The following GSE1 variants were observed in gnomAD, a reference collection of about 807,000 sequenced individuals.
GSE1 encodes genetic suppressor element 1.
A neutral mutation model predicts 112.6 loss-of-function variants in GSE1; 32 were observed. That is an observed-to-expected ratio of 0.28 (90% confidence interval 0.21 to 0.38). The LOEUF (loss-of-function observed/expected upper bound fraction) is 0.38. GSE1 is among the 10% of genes least tolerant of loss of function. The pLI is 1.00. For synonymous variants in GSE1, 1,115 were observed against 735.6 expected, an observed-to-expected ratio of 1.52 and a Z score of -8.35; for missense variants, 2,348 against 1,699.2, an observed-to-expected ratio of 1.38 and a Z score of -6.71.
At chr16:85,499,664 C>A (rs1006867941) in intron 2 of GSE1, among the ~76,000 whole-genome samples, 3 of 152,152 alleles carry the variant, frequency 2.0e-5, no homozygotes, top group Non-Finnish European at 4.4e-5. Flanking sequence ...CAGAACTGTG[C>A]ACTTAGAAAT....
chr16:85,543,755 C>T (rs1567574020), intron 2 of GSE1, among the ~76,000 whole-genome samples: 1 of 152,194 alleles, frequency 6.6e-6, no homozygotes, highest in Admixed American at 6.5e-5. Flanking sequence ...TGTCACCCAG[C>T]GTGCTGGCTG....
chr16:85,548,192 G>GC (rs1312285909), intron 2 of GSE1, among the ~76,000 whole-genome samples: 1 of 136,808 alleles, frequency 7.3e-6, no homozygotes, highest in African/African-American at 2.8e-5. Context: ...TTGAGCCACA[G>GC]CACTCCAGCC....
intron 2 of GSE1, among the ~76,000 whole-genome samples, chr16:85,476,026 G>T (rs930426051): frequency 5.3e-5 from 8 of 152,156 alleles, no homozygotes; most frequent in African/African-American, 1.9e-4. Flanking sequence ...TGCCTCCCAG[G>T]CTAAGATGAT....
chr16:85,401,214 G>A (rs929225236), intron 2 of GSE1, among the ~76,000 whole-genome samples: 1 of 152,156 alleles, frequency 6.6e-6, no homozygotes, highest in African/African-American at 2.4e-5. Context: ...GTTATTCAGC[G>A]GCTCCTGATT....
intron 2 of GSE1, among the ~76,000 whole-genome samples, chr16:85,543,186 G>A (rs919674331): frequency 4.0e-5 from 6 of 150,966 alleles, no homozygotes; most frequent in Non-Finnish European, 2.9e-5. Flanking sequence ...ACTCCAGCCT[G>A]GGCGACAGAG....
intron 2 of GSE1, among the ~76,000 whole-genome samples, chr16:85,463,561 C>T (rs760962661): frequency 3.3e-5 from 5 of 152,134 alleles, no homozygotes; most frequent in African/African-American, 4.8e-5. Context: ...AATGGGGCTG[C>T]TTGTGTGTGG....
intron 2 of GSE1, among the ~76,000 whole-genome samples, chr16:85,424,249 C>T (rs1424822467): frequency 6.6e-6 from 1 of 152,264 alleles, no homozygotes; most frequent in African/African-American, 2.4e-5. Flanking sequence ...GCACAAAGCC[C>T]CCGCCCCTCC....
chr16:85,222,337 C>G (rs2075408733), intron 1 of GSE1, among the ~76,000 whole-genome samples: 1 of 152,226 alleles, frequency 6.6e-6, no homozygotes, highest in African/African-American at 2.4e-5. Flanking sequence ...CCAGGCAGGC[C>G]TCGGCATTGG....
intron 1 of GSE1, among the ~76,000 whole-genome samples, chr16:85,629,915 C>G (rs1406917328): frequency 6.6e-6 from 1 of 152,194 alleles, no homozygotes; most frequent in Non-Finnish European, 1.5e-5. Flanking sequence ...GGCTTAAACA[C>G]AAAACCTTTG....
chr16:85,295,417 G>A (rs1435472511), intron 1 of GSE1, among the ~76,000 whole-genome samples: 1 of 152,252 alleles, frequency 6.6e-6, no homozygotes. Flanking sequence ...TTATGGCTGA[G>A]TGATTATTCC....
chr16:85,445,290 A>C (rs2049481376), intron 2 of GSE1, among the ~76,000 whole-genome samples: 1 of 152,238 alleles, frequency 6.6e-6, no homozygotes, highest in African/African-American at 2.4e-5. Flanking sequence ...TGCTGCTAGC[A>C]CAGTGGAGAG....
intron 3 of GSE1, among the ~76,000 whole-genome samples, chr16:85,653,119 C>A (rs145113575): frequency 5.5e-5 from 8 of 145,600 alleles, no homozygotes; most frequent in African/African-American, 2.0e-4. Context: ...GACAGAGTGA[C>A]GCCTGGGTTG....
chr16:85,565,396 A>C (rs1213405144), intron 1 of GSE1, among the ~76,000 whole-genome samples: 1 of 149,610 alleles, frequency 6.7e-6, no homozygotes, highest in African/African-American at 2.5e-5. Flanking sequence ...CTCTGTCTCA[A>C]AAAAAAAAAC....
intron 2 of GSE1, among the ~76,000 whole-genome samples, chr16:85,643,611 G>C (rs1455200363): frequency 6.6e-6 from 1 of 152,240 alleles, no homozygotes; most frequent in Admixed American, 6.5e-5. Flanking sequence ...GGTTCAGAGG[G>C]ATGGGGCAGC....
In GSE1 at chr16:85,674,753, C is replaced by T. The variant is rs765654066; in HGVS notation, c.*2214C>T. ...ATGACAGCACAGGGGACAGGTGGCA[C>T]ACCATGAGAGGTCTGCCCAGGGTGG... is the stretch of plus-strand genomic sequence containing the variant. On this transcript the variant is annotated 3_prime_UTR_variant, in exon 16 of 16. Coordinates refer to ENST00000253458, the MANE Select transcript of GSE1 (RefSeq NM_014615.5). The T allele has an allele frequency of 6.6e-6, 1 of 152,344 alleles. No homozygotes were observed. Among genetic ancestry groups the T allele is most frequent in the South Asian group, 2.1e-4 (1 of 4,828 alleles). 9.4% of individuals were successfully genotyped at this position (152,344 alleles called of 1,614,324 possible).
chr16:85,228,599 C>G (rs1290645383), intron 1 of GSE1, among the ~76,000 whole-genome samples: 1 of 152,142 alleles, frequency 6.6e-6, no homozygotes, highest in Non-Finnish European at 1.5e-5. Flanking sequence ...GGAAGTGTTG[C>G]GTGTCAGCAG....
At chr16:85,339,076 C>T (rs1214143189) in intron 1 of GSE1, among the ~76,000 whole-genome samples, 1 of 152,204 alleles carries the variant, frequency 6.6e-6, no homozygotes, top group African/African-American at 2.4e-5. Flanking sequence ...ATGCCCCCAA[C>T]CCTGCTCTCT....
chr16:85,613,103 C>T, upstream of GSE1: 3 of 905,804 alleles, frequency 3.3e-6, no homozygotes, highest in Non-Finnish European at 4.5e-6. Flanking sequence ...CGTCGGTGCG[C>T]GCGCGCGCGC....
intron 2 of GSE1, among the ~76,000 whole-genome samples, chr16:85,516,527 A>C (rs554123555): frequency 5.4e-5 from 8 of 147,268 alleles, no homozygotes; most frequent in African/African-American, 1.8e-4. Context: ...TCGAGTTTGC[A>C]CTGAGACATG....
Sources: gnomAD v4.1 joint callset for allele counts (sites outside exome capture counted in the v4.1 genomes callset) on GRCh38, gnomAD v4.1.1 for gene constraint, MANE v1.5 for transcripts, NCBI Gene and HGNC (gene_info 2026-07-23, HGNC 2026-07-21) for gene names.